PTPRA: variants seen among roughly 807,000 people sequenced by gnomAD.
PTPRA encodes the protein receptor-type tyrosine-protein phosphatase alpha.
A neutral mutation model predicts 104.8 loss-of-function variants in PTPRA; 25 were observed. That is an observed-to-expected ratio of 0.24 (90% CI 0.17 to 0.33). The LOEUF is 0.33. Ranked by LOEUF, PTPRA falls within the 10% of genes least tolerant of loss-of-function variation. PTPRA has a pLI of 1.00. For missense variants in PTPRA, 765 were observed against 1,015.3 expected, an observed-to-expected ratio of 0.75 and a Z score of 3.35; for synonymous variants, 323 against 368.9, an observed-to-expected ratio of 0.88 and a Z score of 1.43.
chr20:2,973,219 A>G (rs2062267341), intron 5 of PTPRA, among the ~76,000 whole-genome samples: 1 of 150,048 alleles, frequency 6.7e-6, no homozygotes, highest in Non-Finnish European at 1.5e-5. Flanking sequence ...TTGTGCATTT[A>G]TAGTCCTTTT....
chr20:2,939,070 G>A (rs191561088), intron 2 of PTPRA, among the ~76,000 whole-genome samples: 7 of 152,230 alleles, frequency 4.6e-5, no homozygotes, highest in Admixed American at 1.3e-4. Context: ...CACTTTTGTC[G>A]ACTGTGGTTC....
chr20:2,923,669 T>A (rs1377807802), intron 2 of PTPRA, among the ~76,000 whole-genome samples: 1 of 151,968 alleles, frequency 6.6e-6, no homozygotes, highest in East Asian at 1.9e-4. Flanking sequence ...TGTGGTGGCA[T>A]GTGCCTGTAA....
intron 1 of PTPRA, among the ~76,000 whole-genome samples, chr20:2,910,633 G>C: frequency 8.2e-6 from 1 of 122,478 alleles, no homozygotes; most frequent in Non-Finnish European, 1.6e-5. Context: ...TTTTAAGACG[G>C]AGTCTCGCTG....
intron 2 of PTPRA, among the ~76,000 whole-genome samples, chr20:2,938,476 G>A (rs867574481): frequency 5.7e-4 from 87 of 152,066 alleles, no homozygotes; most frequent in African/African-American, 2.0e-3. Flanking sequence ...GCGAGCCACC[G>A]TACCCAGTAG....
intron 1 of PTPRA, among the ~76,000 whole-genome samples, chr20:2,904,062 A>T (rs1600089089): frequency 6.6e-6 from 1 of 151,936 alleles, no homozygotes; most frequent in African/African-American, 2.4e-5. Flanking sequence ...GCGTGCCACC[A>T]TGCCCAGCCA....
At chr20:2,969,582 C>T (rs1273418528) in intron 5 of PTPRA, among the ~76,000 whole-genome samples, 55 of 142,598 alleles carry the variant, frequency 3.9e-4, no homozygotes, top group Admixed American at 1.3e-3. Flanking sequence ...AGGCCGGGCG[C>T]GGCGGCTCAT....
the PTPRA span, among the ~76,000 whole-genome samples, chr20:2,867,669 G>A: frequency 1.3e-5 from 2 of 152,166 alleles, no homozygotes; most frequent in African/African-American, 4.8e-5. Flanking sequence ...CCAACACTGA[G>A]GGCATTGCCT....
chr20:2,912,584 T>A (rs1309878671), intron 1 of PTPRA, among the ~76,000 whole-genome samples: 18 of 147,976 alleles, frequency 1.2e-4, no homozygotes, highest in Admixed American at 1.2e-3. Context: ...AGATCGCACC[T>A]CTGCACTCCA....
At chr20:2,951,224 C>G (rs901633015) in intron 3 of PTPRA, among the ~76,000 whole-genome samples, 2 of 152,086 alleles carry the variant, frequency 1.3e-5, no homozygotes, top group Non-Finnish European at 2.9e-5. Context: ...CTCTGCCTCC[C>G]GAGTAGCTGG....
In PTPRA at chr20:3,022,155, C is replaced by G. The variant is rs2064905832; in HGVS notation, c.1263C>G (p.Leu421=). The G allele has an allele frequency of 1.2e-6, 2 of 1,614,098 alleles. No homozygotes were observed. Among genetic ancestry groups the G allele is most frequent in the Non-Finnish European group, 1.7e-6 (2 of 1,180,042 alleles). Residue 421 remains leucine (L), a synonymous_variant, in exon 15 of 24, where the codon CTC becomes CTG. Coordinates refer to ENST00000399903, the MANE Select transcript of PTPRA (RefSeq NM_001385305.1). This position sits in a 1 kb window ranked among gnomAD's most constrained non-coding sequence, Gnocchi z 4.6. ...TGCCTTTTACCCCGATCGGCATGCTCAAGTTCCTCAAGAAGGTGAAGGCCT... is the reference window on the plus strand; with the variant it reads ...TGCCTTTTACCCCGATCGGCATGCTGAAGTTCCTCAAGAAGGTGAAGGCCT... ...FGVPFTPIGM[L]KFLKKVKACN... is the part of the protein sequence containing the mutation.
intron 3 of PTPRA, among the ~76,000 whole-genome samples, chr20:2,948,939 G>C (rs558551386): frequency 6.6e-6 from 1 of 151,704 alleles, no homozygotes; most frequent in African/African-American, 2.4e-5. Flanking sequence ...GTGACAGAGC[G>C]AGACTCCGTC....
At chr20:2,970,837 A>G (rs552264679) in intron 5 of PTPRA, among the ~76,000 whole-genome samples, 1 of 151,954 alleles carries the variant, frequency 6.6e-6, no homozygotes, top group Admixed American at 6.6e-5. Flanking sequence ...CACGCACTTA[A>G]GTCTGTCTCG....
upstream of PTPRA, among the ~76,000 whole-genome samples, chr20:2,871,571 A>G (rs1396418947): frequency 1.3e-5 from 2 of 152,240 alleles, no homozygotes; most frequent in Non-Finnish European, 2.9e-5. Context: ...TAAATTAGAT[A>G]TAAGGCAAAA....
chr20:2,922,006 C>A (rs1332362417), intron 1 of PTPRA, among the ~76,000 whole-genome samples: 2 of 152,164 alleles, frequency 1.3e-5, no homozygotes, highest in African/African-American at 4.8e-5. Flanking sequence ...GCATCCTAGG[C>A]CTCTATCCCC....
intron 9 of PTPRA, 110 bp from the exon 10 acceptor site, chr20:3,004,946 C>A (rs1219117552): frequency 2.1e-6 from 2 of 949,666 alleles, no homozygotes; most frequent in Non-Finnish European, 3.2e-6. Flanking sequence ...CCATGTTTTT[C>A]CCCCCAGGAA....
rs141463847 is a variant in PTPRA, at chr20:3,028,682, G to C, written c.1920+841G>C. ...CTATGTCTGGGGTGTCACTTAGCAG[G>C]GATGAGAATCTAGAGAATGGGCCTG... On this transcript the variant is annotated intron_variant, in intron 20 of 23. Coordinates refer to ENST00000399903, the MANE Select transcript of PTPRA (RefSeq NM_001385305.1). Among the ~76,000 whole-genome samples, 59 of 152,314 alleles carry C rather than the reference G, an allele frequency of 3.9e-4. No individual in the cohort carries two copies. The Middle Eastern group carries it at 0.01, about 26-fold the overall frequency.
At chr20:3,009,458 G>T (rs75990124) in intron 11 of PTPRA, among the ~76,000 whole-genome samples, 2,666 of 152,266 alleles carry the variant, frequency 0.018, 128 homozygotes, top group Admixed American at 0.094. Context: ...AAGGTGGTAG[G>T]ATTGAGGAAC....
intron 9 of PTPRA, among the ~76,000 whole-genome samples, chr20:3,002,937 T>C (rs2148276870): frequency 6.6e-6 from 1 of 152,230 alleles, no homozygotes; most frequent in African/African-American, 2.4e-5. Context: ...CCTGCACTGA[T>C]TTTCGGTTCC....
At chr20:2,995,835 A>G (rs947396277) in intron 9 of PTPRA, among the ~76,000 whole-genome samples, 1 of 152,224 alleles carries the variant, frequency 6.6e-6, no homozygotes, top group East Asian at 1.9e-4. Flanking sequence ...TATTGTCAGA[A>G]GTAATCCTAC....
Sources: allele counts gnomAD v4.1 joint callset (sites outside exome capture counted in the v4.1 genomes callset), GRCh38; gene constraint gnomAD v4.1.1; non-coding constraint Gnocchi (gnomAD v3.1); transcripts MANE v1.5; gene names NCBI Gene and HGNC (gene_info 2026-07-23, HGNC 2026-07-21).